MMS22L: variants seen among roughly 807,000 people sequenced by gnomAD.
MMS22L encodes the protein MMS22 like, DNA repair protein, also known as protein MMS22-like.
A neutral mutation model predicts 159.1 loss-of-function variants in MMS22L; 74 were observed. That is an observed-to-expected ratio of 0.47 (90% CI 0.39 to 0.56). The LOEUF is 0.56. Among genes scored for constraint, MMS22L ranks in the 20% least tolerant of loss-of-function variants. The probability of loss-of-function intolerance (pLI) is 0.00; values close to 1 mark genes in which losing one functional copy is unlikely to be tolerated. For missense variants in MMS22L, 1,351 were observed against 1,422.1 expected (o/e 0.95, Z 0.80); for synonymous variants, 517 against 506.9 (o/e 1.02, Z -0.27).
intron 8 of MMS22L, chr6:97,263,741 C>A: frequency 5.4e-6 from 1 of 183,568 alleles, no homozygotes; most frequent in East Asian, 1.6e-4. Flanking sequence ...TGGAGTCTCG[C>A]TCTGTCACCC....
intron 11 of MMS22L, among the ~76,000 whole-genome samples, chr6:97,235,987 T>C (rs1811353674): frequency 1.3e-5 from 2 of 152,148 alleles, no homozygotes; most frequent in South Asian, 2.1e-4. Flanking sequence ...AGGCAAGATG[T>C]TAACCCGAAT....
At chr6:97,262,051 C>T (rs1215299773) in intron 9 of MMS22L, 1 of 152,140 alleles carries the variant, frequency 6.6e-6, no homozygotes, top group Non-Finnish European at 1.5e-5. Context: ...GTCAGTTTTC[C>T]TTACAAATCT....
chr6:97,154,295 T>C (rs1046890777), intron 22 of MMS22L, among the ~76,000 whole-genome samples: 2 of 152,174 alleles, frequency 1.3e-5, no homozygotes, highest in African/African-American at 4.8e-5. Context: ...TCATTGCCAA[T>C]TTTTAAATTC....
At chr6:97,208,063 T>C (rs1807970236) in intron 14 of MMS22L, among the ~76,000 whole-genome samples, 1 of 152,114 alleles carries the variant, frequency 6.6e-6, no homozygotes, top group Non-Finnish European at 1.5e-5. Flanking sequence ...TCCTAAAATT[T>C]CCTAATTACT....
At chr6:97,244,341 A>G (rs1399523639) in intron 11 of MMS22L, among the ~76,000 whole-genome samples, 2 of 152,152 alleles carry the variant, frequency 1.3e-5, no homozygotes, top group Non-Finnish European at 2.9e-5. Context: ...TATGTTTTCT[A>G]TCTTCGGCTA....
At chr6:97,189,551 C>CAAAAAAAAAAAAAAAAAAAAAAAAAAAAA in intron 14 of MMS22L, among the ~76,000 whole-genome samples, 1 of 55,224 alleles carries the variant, frequency 1.8e-5, no homozygotes, top group Non-Finnish European at 3.0e-5. Context: ...ACTCTGTCTC[C>CAAAAAAAAAAAAAAAAAAAAAAAAAAAAA]AAAAAAAAAA....
intron 14 of MMS22L, among the ~76,000 whole-genome samples, chr6:97,208,680 C>T (rs182188655): frequency 3.2e-4 from 48 of 152,084 alleles, no homozygotes; most frequent in Middle Eastern, 6.8e-3. Flanking sequence ...GTCTTTCTGT[C>T]AAGGATCTTA....
At chr6:97,157,043 G>A (rs756824977) in intron 22 of MMS22L, among the ~76,000 whole-genome samples, 4 of 151,924 alleles carry the variant, frequency 2.6e-5, no homozygotes, top group East Asian at 3.9e-4. Context: ...TTCACATCCC[G>A]TGTAAGTTAG....
chr6:97,238,518 T>A (rs1811675249), intron 11 of MMS22L, among the ~76,000 whole-genome samples: 1 of 151,914 alleles, frequency 6.6e-6, no homozygotes, highest in South Asian at 2.1e-4. Flanking sequence ...CAAGGAGTAC[T>A]ACGCATCTCC....
intron 4 of MMS22L, among the ~76,000 whole-genome samples, chr6:97,275,419 C>T (rs796463139): frequency 1.3e-5 from 2 of 151,792 alleles, no homozygotes; most frequent in African/African-American, 2.4e-5. Flanking sequence ...CCCAGCTACT[C>T]GGGAGGCTGA....
intron 22 of MMS22L, among the ~76,000 whole-genome samples, chr6:97,156,090 A>G (rs1466383183): frequency 6.6e-6 from 1 of 152,196 alleles, no homozygotes; most frequent in African/African-American, 2.4e-5. Context: ...AGTGATGATG[A>G]GCATTTTTTC....
At chr6:97,268,470 G>C (rs1815384314) in intron 7 of MMS22L, among the ~76,000 whole-genome samples, 2 of 152,012 alleles carry the variant, frequency 1.3e-5, no homozygotes, top group South Asian at 4.1e-4. Flanking sequence ...TTACAGGCGT[G>C]AGCCACCACG....
At chr6:97,185,434 C>T (rs1371930612) in intron 15 of MMS22L, among the ~76,000 whole-genome samples, 1 of 152,152 alleles carries the variant, frequency 6.6e-6, no homozygotes, top group African/African-American at 2.4e-5. Context: ...CATTTATCTT[C>T]AGCATCTAAG....
intron 14 of MMS22L, among the ~76,000 whole-genome samples, chr6:97,224,498 A>T (rs975891535): frequency 1.3e-5 from 2 of 151,982 alleles, no homozygotes; most frequent in Non-Finnish European, 2.9e-5. Context: ...ACAAATTATT[A>T]TAAATAAAAT....
At chr6:97,239,701 G>A (rs890352615) in intron 11 of MMS22L, among the ~76,000 whole-genome samples, 1 of 152,118 alleles carries the variant, frequency 6.6e-6, no homozygotes, top group African/African-American at 2.4e-5. Flanking sequence ...ATTCCTTGAG[G>A]CCAATAATTC....
At chr6:97,180,506 T>C (rs1004255961) in intron 16 of MMS22L, among the ~76,000 whole-genome samples, 2 of 152,112 alleles carry the variant, frequency 1.3e-5, no homozygotes, top group African/African-American at 4.8e-5. Flanking sequence ...TTAAAATTCA[T>C]ACAAACCACA....
intron 14 of MMS22L, among the ~76,000 whole-genome samples, chr6:97,225,572 G>GTTTTTTTTTTTTTT (rs202185434): frequency 7.0e-6 from 1 of 142,058 alleles, no homozygotes; most frequent in African/African-American, 2.6e-5. Flanking sequence ...TGGTCTCGAA[G>GTTTTTTTTTTTTTT]TTTTTTTTTT....
intron 10 of MMS22L, among the ~76,000 whole-genome samples, chr6:97,247,203 G>A (rs1454047425): frequency 6.6e-6 from 1 of 151,826 alleles, no homozygotes; most frequent in African/African-American, 2.4e-5. Context: ...ATTTCCATAA[G>A]GAAGAAAGCT....
In MMS22L at chr6:97,282,389, G is replaced by C. The variant is rs772217868; in HGVS notation, c.89C>G (p.Ser30Cys). 3.2e-5 allele frequency: 52 copies of C among 1,614,002 alleles called. No individual in the cohort carries two copies. The South Asian group carries it at 5.4e-4, about 17-fold the overall frequency. The change falls in exon 2 of 25, where the codon TCT becomes TGT. Residue 30 changes from serine (S) to cysteine (C), a missense_variant. Physicochemically the swap from Ser to Cys is moderately radical, Grantham distance 112 (BLOSUM62 -1). Coordinates refer to ENST00000683635, the MANE Select transcript of MMS22L (RefSeq NM_001350599.2). ...GTEWCKPPYF[S>C]CAVDNRGGGK... The stretch of plus-strand genomic sequence containing the variant: ...TCCTCCTCTGTTGTCAACAGCACAA[G>C]AAAAGTAAGGAGGTTTGCACCATTC...
Sources: allele counts gnomAD v4.1 joint callset (sites outside exome capture counted in the v4.1 genomes callset), GRCh38; gene constraint gnomAD v4.1.1; transcripts MANE v1.5; gene names NCBI Gene and HGNC (gene_info 2026-07-23, HGNC 2026-07-21).